The following KCNH5 variants were observed in gnomAD, a reference collection of about 807,000 sequenced individuals.
KCNH5 encodes the protein voltage-gated delayed rectifier potassium channel KCNH5.
In KCNH5, 46 loss-of-function variants were observed where a neutral mutation model predicts 96.1. The observed-to-expected ratio is 0.48, with a 90% CI of 0.38 to 0.61. The LOEUF (loss-of-function observed/expected upper bound fraction) is 0.61. KCNH5 is among the 20% of genes least tolerant of loss of function. The pLI is 0.00. For synonymous variants in KCNH5, 439 were observed against 449.8 expected (o/e 0.98, Z 0.30); for missense variants, 907 against 1,225.8 (o/e 0.74, Z 3.88).
intron 1 of KCNH5, among the ~76,000 whole-genome samples, chr14:63,042,162 CTGTG>C (rs1407353606): frequency 3.9e-5 from 6 of 151,906 alleles, no homozygotes; most frequent in Non-Finnish European, 8.8e-5. Flanking sequence ...TCTCTCTGCT[CTGTG>C]TGTTTTGTTT....
Position 62,841,705 on chromosome 14 carries a change from G to A in KCNH5, c.1569+7948C>T, listed in dbSNP as rs187336881. On this transcript the variant is annotated intron_variant, in intron 8 of 10. Transcript: ENST00000322893. ...GTAAAGGATGAAATGTATTATAACC[G>A]CAATAGACTAAATTATCTGCTACCT... 3.8e-3 allele frequency among the ~76,000 whole-genome samples: 577 copies of A among 152,314 alleles called. 1 individual carries two copies. Among genetic ancestry groups the A allele is most frequent in the Non-Finnish European group, 5.4e-3 (364 of 68,024 alleles).
intron 7 of KCNH5, among the ~76,000 whole-genome samples, chr14:62,869,641 C>T (rs867260137): frequency 4.6e-5 from 7 of 152,072 alleles, no homozygotes; most frequent in Non-Finnish European, 8.8e-5. Flanking sequence ...AGGTTTTCTT[C>T]TAGGGTTTTT....
chr14:62,840,566 C>CTTTTCTTTCTTTTTTTTTT (rs1887561319), intron 8 of KCNH5, among the ~76,000 whole-genome samples: 1 of 76,366 alleles, frequency 1.3e-5, no homozygotes, highest in African/African-American at 5.8e-5. Flanking sequence ...TCTTTTTTTT[C>CTTTTCTTTCTTTTTTTTTT]TTTTTTTTTT....
chr14:62,857,421 T>G (rs1595657800), intron 7 of KCNH5, among the ~76,000 whole-genome samples: 1 of 152,196 alleles, frequency 6.6e-6, no homozygotes, highest in East Asian at 1.9e-4. Context: ...GTCAGTGTTC[T>G]TTAGAGGGAC....
At position 62,704,272 on chromosome 14, in the gene KCNH5, C is replaced by T. The variant is rs2139895432; in HGVS notation, c.*3236G>A. The T allele has an allele frequency of 6.6e-6, 1 of 151,920 alleles. No individual in the cohort carries two copies. Among genetic ancestry groups the T allele is most frequent in the Admixed American group, 6.6e-5 (1 of 15,252 alleles). 9.4% of individuals were successfully genotyped at this position (151,920 alleles called of 1,614,324 possible). ...TTAGTCCTATACTTAATGCAAGATG[C>T]AACTAGTGTCATAAAAATTTTCCAT... is the stretch of plus-strand genomic sequence containing the variant. On this transcript the variant is annotated 3_prime_UTR_variant, in exon 11 of 11. Coordinates refer to ENST00000322893, the MANE Select transcript of KCNH5 (RefSeq NM_139318.5).
At chr14:62,802,068 G>T (rs954671542) in intron 9 of KCNH5, among the ~76,000 whole-genome samples, 1 of 152,058 alleles carries the variant, frequency 6.6e-6, no homozygotes, top group Admixed American at 6.6e-5. Context: ...GGCACGTTAG[G>T]CTGCGACCAC....
intron 8 of KCNH5, among the ~76,000 whole-genome samples, chr14:62,807,960 C>T (rs904115260): frequency 6.6e-6 from 1 of 152,066 alleles, no homozygotes; most frequent in Non-Finnish European, 1.5e-5. Context: ...GGCCTAGGGA[C>T]GTGTGGAGTT....
chr14:62,935,042 A>T (rs1889652318), intron 7 of KCNH5, among the ~76,000 whole-genome samples: 1 of 152,188 alleles, frequency 6.6e-6, no homozygotes, highest in South Asian at 2.1e-4. Context: ...CATAGCACAG[A>T]TGTGGCAGTC....
chr14:62,904,672 T>C (rs1308505584), intron 7 of KCNH5, among the ~76,000 whole-genome samples: 1 of 152,240 alleles, frequency 6.6e-6, no homozygotes, highest in Middle Eastern at 3.2e-3. Context: ...TCATGTTTTA[T>C]ATTTTTCACA....
At chr14:62,989,314 T>C (rs1490934070) in intron 4 of KCNH5, among the ~76,000 whole-genome samples, 1 of 152,122 alleles carries the variant, frequency 6.6e-6, no homozygotes, top group Non-Finnish European at 1.5e-5. Flanking sequence ...TGATTTGCTC[T>C]GCCTCTGTCT....
chr14:62,941,684 C>T (rs1417149726), intron 7 of KCNH5, among the ~76,000 whole-genome samples: 1 of 152,186 alleles, frequency 6.6e-6, no homozygotes, highest in Non-Finnish European at 1.5e-5. Flanking sequence ...TCAGCATGTA[C>T]ACACTGCATT....
At position 62,827,400 on chromosome 14, in the gene KCNH5, T is replaced by G. The variant is rs139367450; in HGVS notation, c.1569+22253A>C. Among the ~76,000 whole-genome samples, 4 of 152,336 alleles carry G rather than the reference T, an allele frequency of 2.6e-5. No individual in the cohort carries two copies. In the East Asian group the frequency reaches 7.7e-4, roughly 29 times the overall value. On this transcript the variant is annotated intron_variant, in intron 8 of 10. Coordinates refer to ENST00000322893, the MANE Select transcript of KCNH5 (RefSeq NM_139318.5). ...AATAATCTCCATTTTTAACAAAGTCTGCTTGCAATTCCCATGTGTATTAAC... is the reference window on the plus strand; with the variant it reads ...AATAATCTCCATTTTTAACAAAGTCGGCTTGCAATTCCCATGTGTATTAAC...
chr14:62,913,160 C>G (rs2140102405), intron 7 of KCNH5, among the ~76,000 whole-genome samples: 1 of 152,146 alleles, frequency 6.6e-6, no homozygotes, highest in South Asian at 2.1e-4. Context: ...TCTTGTTGGC[C>G]TCGAATATAA....
intron 7 of KCNH5, among the ~76,000 whole-genome samples, chr14:62,918,548 T>C (rs1233903086): frequency 6.6e-6 from 1 of 152,092 alleles, no homozygotes; most frequent in Non-Finnish European, 1.5e-5. Flanking sequence ...AGAAACAGCA[T>C]ACTAATAAAA....
At chr14:62,731,170 G>A (rs1302289760) in intron 10 of KCNH5, among the ~76,000 whole-genome samples, 1 of 151,768 alleles carries the variant, frequency 6.6e-6, no homozygotes, top group African/African-American at 2.4e-5. Context: ...GCATGGTGGT[G>A]GGTGCCTATA....
chr14:62,735,199 A>G (rs1052334363), intron 10 of KCNH5, among the ~76,000 whole-genome samples: 1 of 152,194 alleles, frequency 6.6e-6, no homozygotes, highest in Non-Finnish European at 1.5e-5. Flanking sequence ...TTGTAGCACA[A>G]GAGTCAAAAG....
intron 10 of KCNH5, among the ~76,000 whole-genome samples, chr14:62,720,289 G>A (rs1884779388): frequency 6.6e-6 from 1 of 152,152 alleles, no homozygotes; most frequent in African/African-American, 2.4e-5. Flanking sequence ...TACCTGTGAG[G>A]GGAGGGGAAG....
Position 62,780,468 on chromosome 14 carries a change from C to T in KCNH5, c.1823-544G>A, listed in dbSNP as rs527749416. 7.9e-5 allele frequency among the ~76,000 whole-genome samples: 12 copies of T among 152,254 alleles called. No homozygotes were observed. In the South Asian group the frequency reaches 2.5e-3, roughly 32 times the overall value. ...CCCTCTCTACCTAGTCAACCTTATA[C>T]AGGTTCTCGGAGTCCAGCCCAAGAG... On this transcript the variant is annotated intron_variant, in intron 9 of 10. Transcript: ENST00000322893.
intron 7 of KCNH5, among the ~76,000 whole-genome samples, chr14:62,926,299 A>T (rs1363198045): frequency 6.6e-6 from 1 of 152,134 alleles, no homozygotes; most frequent in Non-Finnish European, 1.5e-5. Context: ...TCAAACCACT[A>T]TGTTGGATTT....
Sources: allele counts gnomAD v4.1 joint callset (sites outside exome capture counted in the v4.1 genomes callset), GRCh38; gene constraint gnomAD v4.1.1; transcripts MANE v1.5; gene names NCBI Gene and HGNC (gene_info 2026-07-23, HGNC 2026-07-21).